Variants in CLDN10 observed in about 807,000 individuals in gnomAD.
CLDN10 encodes claudin-10.
Under a neutral mutation model 22.9 loss-of-function variants are expected in CLDN10, and 15 were observed. The ratio of observed to expected loss-of-function variants is 0.65; its 90% CI spans 0.44 to 1.01. The LOEUF (loss-of-function observed/expected upper bound fraction) is 1.01. Ranked by LOEUF, CLDN10 falls within the 50% of genes least tolerant of loss-of-function variation. CLDN10 has a pLI of 0.00. For missense variants in CLDN10, 247 were observed against 287.8 expected, an observed-to-expected ratio of 0.86 and a Z score of 1.03; for synonymous variants, 114 against 111.4, an observed-to-expected ratio of 1.02 and a Z score of -0.15.
At chr13:95,441,012 T>C (rs2042319305) in intron 1 of CLDN10, among the ~76,000 whole-genome samples, 2 of 152,212 alleles carry the variant, frequency 1.3e-5, no homozygotes, top group Non-Finnish European at 2.9e-5. Context: ...GTTCCTCTTT[T>C]AGGGGCCAGG....
intron 1 of CLDN10, among the ~76,000 whole-genome samples, chr13:95,480,478 G>C (rs116299998): frequency 2.0e-5 from 3 of 152,190 alleles, no homozygotes; most frequent in East Asian, 3.8e-4. Context: ...AATAGGAAGC[G>C]TCTGAAGCTG....
intron 1 of CLDN10, among the ~76,000 whole-genome samples, chr13:95,536,813 C>A (rs1324681349): frequency 2.6e-5 from 4 of 151,912 alleles, no homozygotes; most frequent in Non-Finnish European, 5.9e-5. Flanking sequence ...AAAAAAAGTT[C>A]ATATTGAAAT....
Position 95,512,006 on chromosome 13 carries a change from C to G in CLDN10, c.215-48126C>G, listed in dbSNP as rs938115750. Reference sequence around the variant, plus strand: ...TAATGCTATCCCCCCCCTCTCCCCCCACCCCACAACAGTCCCCAGAGTTTT... The same window carrying G: ...TAATGCTATCCCCCCCCTCTCCCCCGACCCCACAACAGTCCCCAGAGTTTT... On this transcript the variant is annotated intron_variant, in intron 1 of 4. Coordinates refer to the CLDN10 transcript ENST00000376873. Among the ~76,000 whole-genome samples the G allele has an allele frequency of 3.8e-4, 50 of 132,330 alleles. 4 individuals carry two copies. The South Asian group carries it at 7.7e-3, about 20-fold the overall frequency. 86.8% of individuals were successfully genotyped at this position (132,330 alleles called of 152,430 possible).
At chr13:95,484,171 C>T (rs2138501626) in intron 1 of CLDN10, among the ~76,000 whole-genome samples, 1 of 152,312 alleles carries the variant, frequency 6.6e-6, no homozygotes, top group South Asian at 2.1e-4. Context: ...AAAGATAGGG[C>T]ATGTCCTTGG....
rs187367156 is a variant in CLDN10 at position 95,515,700 on chromosome 13, C to A, written c.215-44432C>A. 1.3e-3 allele frequency among the ~76,000 whole-genome samples: 196 copies of A among 152,270 alleles called. 1 individual carries two copies. Among genetic ancestry groups the A allele is most frequent in the Middle Eastern group, 0.01 (3 of 294 alleles). ...CTCTTGATTAGATGCATGGGGGAGGCGGCTGACATAGTTCCAGCTTGGTTT... is the reference window on the plus strand; with the variant it reads ...CTCTTGATTAGATGCATGGGGGAGGAGGCTGACATAGTTCCAGCTTGGTTT... On this transcript the variant is annotated intron_variant, in intron 1 of 4. Transcript: ENST00000376873.
chr13:95,569,511 G>C (rs542803726), intron 3 of CLDN10, among the ~76,000 whole-genome samples: 14 of 152,252 alleles, frequency 9.2e-5, no homozygotes, highest in Middle Eastern at 6.8e-3. Flanking sequence ...TTGAACCTGG[G>C]GGGTGGAGGT....
intron 1 of CLDN10, among the ~76,000 whole-genome samples, chr13:95,538,349 A>G (rs890437498): frequency 2.6e-5 from 4 of 151,778 alleles, no homozygotes; most frequent in Non-Finnish European, 5.9e-5. Flanking sequence ...TATATTGGCC[A>G]GGCTGGTCTT....
chr13:95,554,270 T>A (rs919038047), intron 1 of CLDN10, among the ~76,000 whole-genome samples: 6 of 152,170 alleles, frequency 3.9e-5, no homozygotes, highest in African/African-American at 9.7e-5. Context: ...AGGCATTCTC[T>A]TGTTCCTGTG....
upstream of CLDN10, among the ~76,000 whole-genome samples, chr13:95,548,961 C>T (rs1594604158): frequency 6.6e-6 from 1 of 152,192 alleles, no homozygotes; most frequent in East Asian, 1.9e-4. Flanking sequence ...GTTTAGTTGG[C>T]TAAACTGGTT....
intron 3 of CLDN10, among the ~76,000 whole-genome samples, chr13:95,575,072 G>C (rs188424915): frequency 1.3e-5 from 2 of 152,204 alleles, no homozygotes; most frequent in Admixed American, 6.5e-5. Context: ...CATGGTATCT[G>C]GCACTGGCAT....
upstream of CLDN10, among the ~76,000 whole-genome samples, chr13:95,548,754 A>G (rs1467467668): frequency 6.6e-6 from 1 of 152,134 alleles, no homozygotes; most frequent in Non-Finnish European, 1.5e-5. Context: ...TGTTTTTTTT[A>G]GTTAATACCG....
At chr13:95,501,293 C>T (rs577390743) in intron 1 of CLDN10, among the ~76,000 whole-genome samples, 19 of 152,216 alleles carry the variant, frequency 1.2e-4, no homozygotes, top group African/African-American at 4.3e-4. Context: ...GGATTACAGG[C>T]GTGAGCCACC....
chr13:95,461,867 A>C (rs2042539661), intron 1 of CLDN10, among the ~76,000 whole-genome samples: 1 of 152,122 alleles, frequency 6.6e-6, no homozygotes, highest in South Asian at 2.1e-4. Flanking sequence ...CAATGCAGGA[A>C]GATCACTTGA....
chr13:95,447,331 C>T (rs989386718), intron 1 of CLDN10, among the ~76,000 whole-genome samples: 10 of 152,178 alleles, frequency 6.6e-5, no homozygotes, highest in South Asian at 2.1e-4. Context: ...CTGCAGTGGC[C>T]GAGGTCCTTC....
At chr13:95,513,171 T>A (rs921837630) in intron 1 of CLDN10, among the ~76,000 whole-genome samples, 4 of 152,228 alleles carry the variant, frequency 2.6e-5, no homozygotes, top group African/African-American at 9.6e-5. Flanking sequence ...TGAGCCAACA[T>A]GCCCAGTCCA....
intron 1 of CLDN10, chr13:95,434,093 C>T (rs1036500145): frequency 4.6e-6 from 7 of 1,531,366 alleles, no homozygotes; most frequent in Non-Finnish European, 6.3e-6. Context: ...ATGTACTTTT[C>T]CCCCCGACTG....
intron 1 of CLDN10, among the ~76,000 whole-genome samples, chr13:95,541,694 A>G (rs1594599488): frequency 1.3e-5 from 2 of 152,176 alleles, no homozygotes. Flanking sequence ...AATGGGCCCA[A>G]TCAAATGTAA....
chr13:95,555,531 G>T (rs1419863382), intron 1 of CLDN10, among the ~76,000 whole-genome samples: 3 of 152,072 alleles, frequency 2.0e-5, no homozygotes, highest in Non-Finnish European at 4.4e-5. Context: ...TGTTATGTAG[G>T]TTGCAATCTC....
chr13:95,526,386 T>C (rs1325514750), intron 1 of CLDN10, among the ~76,000 whole-genome samples: 1 of 152,158 alleles, frequency 6.6e-6, no homozygotes, highest in Admixed American at 6.6e-5. Flanking sequence ...GACGGACTTG[T>C]CCACTGAGAA....
Sources: gnomAD v4.1 joint callset for allele counts (sites outside exome capture counted in the v4.1 genomes callset) on GRCh38, gnomAD v4.1.1 for gene constraint, MANE v1.5 for transcripts, NCBI Gene and HGNC (gene_info 2026-07-23, HGNC 2026-07-21) for gene names.